TNRC6B: variants seen among roughly 807,000 people sequenced by gnomAD.
TNRC6B encodes trinucleotide repeat containing adaptor 6B.
Under a neutral mutation model 203.6 loss-of-function variants are expected in TNRC6B, and 52 were observed. The ratio of observed to expected loss-of-function variants is 0.26; its 90% CI spans 0.20 to 0.32. The LOEUF is 0.32. Ranked by LOEUF, TNRC6B falls within the 10% of genes least tolerant of loss-of-function variation. The probability of loss-of-function intolerance (pLI) is 1.00; values close to 1 mark genes in which losing one functional copy is unlikely to be tolerated. For synonymous variants in TNRC6B, 838 were observed against 845.7 expected, an observed-to-expected ratio of 0.99 and a Z score of 0.16; for missense variants, 1,923 against 2,286.2, an observed-to-expected ratio of 0.84 and a Z score of 3.24.
At chr22:40,176,194 G>A (rs939160212), upstream of TNRC6B, among the ~76,000 whole-genome samples, 4 of 148,912 alleles carry the variant, frequency 2.7e-5, no homozygotes, top group East Asian at 5.9e-4. Flanking sequence ...GCGCGATCTC[G>A]GCTCACCACA....
intron 1 of TNRC6B, among the ~76,000 whole-genome samples, chr22:40,209,899 A>T (rs945768648): frequency 8.6e-5 from 13 of 152,038 alleles, no homozygotes; most frequent in Non-Finnish European, 1.9e-4. Context: ...GTTGCCTGTA[A>T]TCCCAGCTAC....
chr22:40,317,857 T>A (rs139913), intron 21 of TNRC6B, among the ~76,000 whole-genome samples: 103,592 of 152,176 alleles, frequency 0.68, 37,102 homozygotes, highest in African/African-American at 0.91. Context: ...AAAAGGAGTC[T>A]GTTATGCCTC....
In TNRC6B at chr22:40,326,931, C is replaced by T. The variant is rs778534895; in HGVS notation, c.*3690C>T. ...TTTAGCTCCCAGCTACTGTTGTGCT[C>T]GTTTTAATTGCTGTTTTGAAGATCT... is the stretch of plus-strand genomic sequence containing the variant. On this transcript the variant is annotated 3_prime_UTR_variant, in exon 23 of 23. Coordinates refer to ENST00000454349, the MANE Select transcript of TNRC6B (RefSeq NM_001162501.2). The T allele has an allele frequency of 6.6e-6, 1 of 152,610 alleles. No individual in the cohort carries two copies. The highest frequency in any genetic ancestry group is 1.5e-5 in the Non-Finnish European group (1 of 68,034). The allele number at this position is 152,610 out of a possible 1,614,324, so 9.5% of individuals were successfully genotyped here.
At chr22:40,313,423 T>C (rs1723094137) in intron 19 of TNRC6B, among the ~76,000 whole-genome samples, 1 of 150,932 alleles carries the variant, frequency 6.6e-6, no homozygotes, top group Non-Finnish European at 1.5e-5. Context: ...TAAGGGCAGA[T>C]GGCCAAAGGA....
chr22:40,205,164 C>G (rs1197876064), intron 1 of TNRC6B, among the ~76,000 whole-genome samples: 3 of 152,224 alleles, frequency 2.0e-5, no homozygotes, highest in African/African-American at 7.2e-5. Flanking sequence ...GTTCCCACCT[C>G]ATAGTGAAAA....
chr22:40,279,848 G>A, intron 9 of TNRC6B, 147 bp from the exon 10 acceptor site: 1 of 598,118 alleles, frequency 1.7e-6, no homozygotes, highest in East Asian at 2.6e-5. Flanking sequence ...CTGGACCAAT[G>A]AGAGTTTGTC....
intron 3 of TNRC6B, among the ~76,000 whole-genome samples, chr22:40,154,940 A>G (rs1219325668): frequency 5.2e-5 from 7 of 134,640 alleles, no homozygotes; most frequent in African/African-American, 2.0e-4. Context: ...AAATATATAT[A>G]TATTTGGACT....
At chr22:40,285,016 G>T (rs1438166165) in intron 11 of TNRC6B, among the ~76,000 whole-genome samples, 1 of 152,216 alleles carries the variant, frequency 6.6e-6, no homozygotes, top group Admixed American at 6.5e-5. Flanking sequence ...AGACTGATAT[G>T]TGTTTGAATG....
chr22:40,310,802 C>G lies in TNRC6B; in HGVS notation c.4259-15C>G. 1.9e-6 allele frequency: 3 copies of G among 1,598,534 alleles called. No homozygotes were observed. The highest frequency in any genetic ancestry group is 2.6e-6 in the Non-Finnish European group (3 of 1,172,820). On this transcript the variant is annotated splice_polypyrimidine_tract_variant and intron_variant, in intron 16 of 22. Transcript: ENST00000454349. ...GGAGTTATTCTGGATGATTTAATTTCCTCTCTTTTCTCAGGCGCTATAGTG... is the reference window on the plus strand; with the variant it reads ...GGAGTTATTCTGGATGATTTAATTTGCTCTCTTTTCTCAGGCGCTATAGTG...
At position 40,334,588 on chromosome 22, in the gene TNRC6B, T is replaced by G. The variant is rs976307880; in HGVS notation, c.*11347T>G. ...CTGGACTATTTTATCTGTCTCCATTTAGATGGAGATATAAATGCTGCTTTG... is the reference window on the plus strand; with the variant it reads ...CTGGACTATTTTATCTGTCTCCATTGAGATGGAGATATAAATGCTGCTTTG... On this transcript the variant is annotated 3_prime_UTR_variant, in exon 23 of 23. Coordinates refer to ENST00000454349, the MANE Select transcript of TNRC6B (RefSeq NM_001162501.2). The G allele has an allele frequency of 2.6e-5, 4 of 152,500 alleles. No individual in the cohort carries two copies. The highest frequency in any genetic ancestry group is 9.7e-5 in the African/African-American group (4 of 41,368). The allele number at this position is 152,500 out of a possible 1,614,324, so 9.4% of individuals were successfully genotyped here.
intron 3 of TNRC6B, among the ~76,000 whole-genome samples, chr22:40,126,124 G>A (rs534687110): frequency 3.9e-5 from 6 of 152,024 alleles, no homozygotes; most frequent in South Asian, 2.1e-4. Flanking sequence ...AGTTTGTTAC[G>A]AAAGTTACTA....
rs374670733 is a variant in TNRC6B, at chr22:40,266,656, C to G, written c.2426C>G (p.Thr809Arg). 6.2e-7 allele frequency: 1 copy of G among 1,612,792 alleles called. No homozygotes were observed. Among genetic ancestry groups the G allele is most frequent in the Non-Finnish European group, 8.5e-7 (1 of 1,179,282 alleles). The change falls in exon 5 of 23, where the codon ACG (threonine) becomes AGG (arginine). Residue 809 changes from threonine to arginine, a missense_variant. Thr to Arg is a moderately conservative substitution (Grantham distance 71). Coordinates refer to ENST00000454349, the MANE Select transcript of TNRC6B (RefSeq NM_001162501.2). ...DCKRSPAWNE[T>R]GRQPNSWNKQ... Reference sequence around the variant, plus strand: ...AAAAGATCCCCAGCATGGAATGAGACGGGCCGACAGCCCAATTCCTGGAAT... The same window carrying G: ...AAAAGATCCCCAGCATGGAATGAGAGGGGCCGACAGCCCAATTCCTGGAAT...
At chr22:40,138,689 A>G (rs1193394397) in intron 3 of TNRC6B, among the ~76,000 whole-genome samples, 1 of 152,156 alleles carries the variant, frequency 6.6e-6, no homozygotes, top group African/African-American at 2.4e-5. Context: ...CAAGATACGT[A>G]TTAGGAGTTC....
In TNRC6B at chr22:40,270,195, T is replaced by A; in HGVS notation, c.2880T>A (p.Pro960=). Residue 960 remains proline, a synonymous_variant, in exon 6 of 23, where the codon CCT becomes CCA. Coordinates refer to ENST00000454349, the MANE Select transcript of TNRC6B (RefSeq NM_001162501.2). ...SAWGEPNESS[P]GWGEMDDTGA... ...GGGGTGAGCCAAATGAAAGCAGTCCTGGGTGGGGCGAGATGGATGATACAG... is the reference window on the plus strand; with the variant it reads ...GGGGTGAGCCAAATGAAAGCAGTCCAGGGTGGGGCGAGATGGATGATACAG... 1.3e-6 allele frequency: 2 copies of A among 1,567,804 alleles called. No homozygotes were observed. The highest frequency in any genetic ancestry group is 1.7e-6 in the Non-Finnish European group (2 of 1,155,860).
At chr22:40,309,173 T>C (rs2071137538) in intron 16 of TNRC6B, among the ~76,000 whole-genome samples, 1 of 152,250 alleles carries the variant, frequency 6.6e-6, no homozygotes, top group South Asian at 2.1e-4. Context: ...TTGGTCGTGA[T>C]GTTGGTCGGC....
Position 40,125,737 on chromosome 22 carries a change from T to C in TNRC6B, c.-46-35T>C, listed in dbSNP as rs942724238. 32 of 1,523,444 alleles carry C rather than the reference T, an allele frequency of 2.1e-5. No individual in the cohort carries two copies. The Admixed American group carries it at 2.6e-4, about 13-fold the overall frequency. 94.4% of individuals were successfully genotyped at this position (1,523,444 alleles called of 1,614,324 possible). ...GAAAAAAAAATTTTTTTGCCCTGAA[T>C]TCCTTACATACTTTTTTCTTCTCTC... On this transcript the variant is annotated intron_variant, in intron 2 of 23. Coordinates refer to the TNRC6B transcript ENST00000301923.
At chr22:40,143,731 C>T (rs1249390635) in intron 3 of TNRC6B, among the ~76,000 whole-genome samples, 4 of 152,156 alleles carry the variant, frequency 2.6e-5, no homozygotes, top group Non-Finnish European at 4.4e-5. Flanking sequence ...CTCCTGACCT[C>T]GTGATCCGCC....
At chr22:40,089,706 T>A (rs2068134580) in intron 1 of TNRC6B, among the ~76,000 whole-genome samples, 1 of 152,210 alleles carries the variant, frequency 6.6e-6, no homozygotes, top group Non-Finnish European at 1.5e-5. Context: ...ACACCATTAT[T>A]ACTCAAAGTT....
intron 1 of TNRC6B, among the ~76,000 whole-genome samples, chr22:40,226,159 A>G (rs533473369): frequency 1.3e-4 from 20 of 152,314 alleles, no homozygotes; most frequent in South Asian, 4.1e-4. Context: ...AGGTAATTCA[A>G]TTATTCAGCT....
Sources: allele counts gnomAD v4.1 joint callset (sites outside exome capture counted in the v4.1 genomes callset), GRCh38; gene constraint gnomAD v4.1.1; transcripts MANE v1.5; gene names NCBI Gene and HGNC (gene_info 2026-07-23, HGNC 2026-07-21).